The following DPYD variants were observed in gnomAD, a reference collection of about 807,000 sequenced individuals.
DPYD encodes dihydropyrimidine dehydrogenase.
Under a neutral mutation model 116.2 loss-of-function variants are expected in DPYD, and 109 were observed. That is an observed-to-expected ratio of 0.94 (90% CI 0.80 to 1.10). The LOEUF is 1.10. DPYD is among the 50% of genes least tolerant of loss of function. The pLI, the probability that DPYD is intolerant of heterozygous loss-of-function variation, is 0.00. For missense variants in DPYD, 1,302 were observed against 1,254.5 expected (o/e 1.04, Z -0.57); for synonymous variants, 440 against 432.0 (o/e 1.02, Z -0.23).
chr1:97,487,101 G>A (rs1272291364), intron 13 of DPYD, among the ~76,000 whole-genome samples: 1 of 151,670 alleles, frequency 6.6e-6, no homozygotes, highest in African/African-American at 2.4e-5. Context: ...TCTTAAACAT[G>A]GATATTTATT....
chr1:97,920,758 CG>C (rs1674475487), intron 1 of DPYD, 125 bp downstream of exon 1: 2 of 1,361,308 alleles, frequency 1.5e-6, no homozygotes, highest in African/African-American at 1.4e-5. Context: ...AGAGCTCCCA[CG>C]GGGGAAACTT....
intron 20 of DPYD, among the ~76,000 whole-genome samples, chr1:97,132,213 A>G (rs1035755555): frequency 2.0e-5 from 3 of 152,192 alleles, no homozygotes; most frequent in East Asian, 1.9e-4. Flanking sequence ...AATCATCGCT[A>G]AAGCTTTCAC....
intron 19 of DPYD, among the ~76,000 whole-genome samples, chr1:97,216,932 G>T (rs1284596569): frequency 6.6e-6 from 1 of 152,006 alleles, no homozygotes; most frequent in Non-Finnish European, 1.5e-5. Flanking sequence ...TGAGGATCTG[G>T]CACCGTGGCT....
At chr1:97,897,247 C>T (rs1374456702) in intron 1 of DPYD, among the ~76,000 whole-genome samples, 1 of 151,860 alleles carries the variant, frequency 6.6e-6, no homozygotes, top group Non-Finnish European at 1.5e-5. Context: ...TTATTTCCAA[C>T]AATAAATCTG....
chr1:97,897,426 A>T (rs1673135716), intron 1 of DPYD, among the ~76,000 whole-genome samples: 1 of 151,838 alleles, frequency 6.6e-6, no homozygotes, highest in South Asian at 2.1e-4. Flanking sequence ...TCTTGGATTT[A>T]CAAATTCATT....
At chr1:97,857,493 A>C (rs1311697323) in intron 2 of DPYD, among the ~76,000 whole-genome samples, 1 of 152,164 alleles carries the variant, frequency 6.6e-6, no homozygotes, top group Admixed American at 6.5e-5. Flanking sequence ...GCCATGGTTT[A>C]ATCAGTCACG....
At chr1:97,679,312 TTTGTCTTTTAG>T in intron 7 of DPYD, 130 bp from the exon 8 acceptor site, 1 of 570,760 alleles carries the variant, frequency 1.8e-6, no homozygotes, top group Non-Finnish European at 3.2e-6. Flanking sequence ...TGACAACATT[TTTGTCTTTTAG>T]TATATAGGTT....
chr1:97,355,478 A>G (rs559217744), intron 16 of DPYD, among the ~76,000 whole-genome samples: 20 of 152,144 alleles, frequency 1.3e-4, no homozygotes, highest in Non-Finnish European at 2.9e-4. Flanking sequence ...ATGTTTTACA[A>G]TATATCTCAT....
chr1:97,720,153 C>T, intron 5 of DPYD: 1 of 911,032 alleles, frequency 1.1e-6, no homozygotes, highest in Non-Finnish European at 1.3e-6. Context: ...CTCTCTTTCT[C>T]TCTCTCTCTC....
intron 16 of DPYD, among the ~76,000 whole-genome samples, chr1:97,337,122 G>A (rs1170717398): frequency 1.3e-5 from 2 of 152,182 alleles, no homozygotes; most frequent in Non-Finnish European, 2.9e-5. Context: ...AGTGTATTGA[G>A]AGGGTGGCAG....
rs1324763240 is a variant in DPYD at position 97,079,034 on chromosome 1, C to A, written c.3020G>T (p.Arg1007Met). 1 of 1,613,736 alleles carries A rather than the reference C, an allele frequency of 6.2e-7. No individual in the cohort carries two copies. The highest frequency in any genetic ancestry group is 8.5e-7 in the Non-Finnish European group (1 of 1,179,718). ...TCTCTTTGGTTCATAAGGTGTTGTCCTGGAAACCATTTTGATGCAGTCGAC... is the reference window on the plus strand; with the variant it reads ...TCTCTTTGGTTCATAAGGTGTTGTCATGGAAACCATTTTGATGCAGTCGAC... The part of the protein sequence containing the change: ...PIVDCIKMVS[R>M]TTPYEPKRGV... The change falls in exon 23 of 23, where the codon AGG becomes ATG. Residue 1007 changes from arginine to methionine, a missense_variant. Arg to Met is a moderately conservative substitution (Grantham distance 91). Coordinates refer to ENST00000370192, the MANE Select transcript of DPYD (RefSeq NM_000110.4).
intron 1 of DPYD, among the ~76,000 whole-genome samples, chr1:97,894,782 G>T (rs995235833): frequency 2.0e-5 from 3 of 151,414 alleles, no homozygotes; most frequent in African/African-American, 7.2e-5. Flanking sequence ...TATAAAATGG[G>T]ATAACCTATA....
chr1:97,602,395 G>A (rs920078226), intron 8 of DPYD, among the ~76,000 whole-genome samples: 5 of 151,938 alleles, frequency 3.3e-5, no homozygotes, highest in African/African-American at 7.2e-5. Context: ...CTACAGGTGA[G>A]AAAGGATGTG....
intron 16 of DPYD, chr1:97,322,641 T>C (rs1668364910): frequency 6.6e-6 from 1 of 151,986 alleles, no homozygotes; most frequent in Non-Finnish European, 1.5e-5. Flanking sequence ...TGTGGTGGTT[T>C]ATAAGCATAC....
chr1:97,791,233 G>C (rs891494410), intron 3 of DPYD, among the ~76,000 whole-genome samples: 3 of 152,080 alleles, frequency 2.0e-5, no homozygotes, highest in African/African-American at 7.2e-5. Flanking sequence ...AAATGTCAGA[G>C]AACCTAAAAA....
chr1:97,678,411 C>T (rs1660258243), intron 8 of DPYD, among the ~76,000 whole-genome samples: 1 of 152,252 alleles, frequency 6.6e-6, no homozygotes, highest in Admixed American at 6.5e-5. Context: ...CATTTATATG[C>T]CGTAATTGCC....
intron 2 of DPYD, among the ~76,000 whole-genome samples, chr1:97,865,234 A>C (rs1318941838): frequency 2.0e-5 from 3 of 151,886 alleles, no homozygotes; most frequent in Non-Finnish European, 4.4e-5. Context: ...AACAGCTCTA[A>C]CAAGCAGAGT....
At chr1:97,663,790 T>C (rs1036084797) in intron 8 of DPYD, among the ~76,000 whole-genome samples, 2 of 152,204 alleles carry the variant, frequency 1.3e-5, no homozygotes, top group East Asian at 1.9e-4. Flanking sequence ...GTGAAAACTC[T>C]AGCAAGAATA....
intron 3 of DPYD, among the ~76,000 whole-genome samples, chr1:97,751,395 T>C (rs930845695): frequency 2.1e-5 from 3 of 143,392 alleles, no homozygotes; most frequent in Admixed American, 7.1e-5. Flanking sequence ...TATGTGTGTA[T>C]ATATACATAT....
Sources: allele counts gnomAD v4.1 joint callset (sites outside exome capture counted in the v4.1 genomes callset), GRCh38; gene constraint gnomAD v4.1.1; transcripts MANE v1.5; gene names NCBI Gene and HGNC (gene_info 2026-07-23, HGNC 2026-07-21).